Variants in SSPN observed in about 807,000 individuals in gnomAD.
SSPN encodes sarcospan, also known as K-ras oncogene-associated protein.
SSPN carries 15 observed loss-of-function variants against 19.1 expected under a neutral mutation model. The ratio of observed to expected loss-of-function variants is 0.78; its 90% CI spans 0.52 to 1.21. The LOEUF (loss-of-function observed/expected upper bound fraction) is 1.21, where lower values mean the gene tolerates loss of function less well. SSPN is among the 50% of genes most tolerant of loss of function. The probability of loss-of-function intolerance (pLI) is 0.00; values close to 1 mark genes in which losing one functional copy is unlikely to be tolerated. For missense variants in SSPN, 291 were observed against 314.0 expected (o/e 0.93, Z 0.55); for synonymous variants, 147 against 140.3 (o/e 1.05, Z -0.34).
intron 1 of SSPN, among the ~76,000 whole-genome samples, chr12:26,209,795 C>CGTGT (rs56680376): frequency 4.5e-4 from 66 of 145,096 alleles, no homozygotes; most frequent in Non-Finnish European, 5.3e-4. Context: ...ATTCTTAGAG[C>CGTGT]GTGTGTGTGT....
intron 1 of SSPN, among the ~76,000 whole-genome samples, chr12:26,141,751 G>A (rs1944461607): frequency 6.6e-6 from 1 of 152,148 alleles, no homozygotes; most frequent in Admixed American, 6.5e-5. Flanking sequence ...AGGAAGTCAG[G>A]TACCTAGTAT....
intron 1 of SSPN, among the ~76,000 whole-genome samples, chr12:26,161,992 G>T (rs1472883688): frequency 6.6e-6 from 1 of 152,156 alleles, no homozygotes; most frequent in Non-Finnish European, 1.5e-5. Context: ...CCCGGGGGTT[G>T]GGGACCAGTG....
chr12:26,192,980 A>G (rs1210144208), upstream of SSPN, among the ~76,000 whole-genome samples: 3 of 152,240 alleles, frequency 2.0e-5, no homozygotes, highest in Non-Finnish European at 4.4e-5. Context: ...TTTTAATTGC[A>G]TGACAATTTG....
chr12:26,123,537 A>G (rs1028793353), intron 1 of SSPN: 3 of 897,042 alleles, frequency 3.3e-6, no homozygotes, highest in Admixed American at 1.7e-5. Context: ...GCCCACGGAA[A>G]GAGATGGGGT....
upstream of SSPN, among the ~76,000 whole-genome samples, chr12:26,192,310 A>C (rs370303550): frequency 2.8e-4 from 43 of 152,294 alleles, 1 homozygote; most frequent in African/African-American, 8.4e-4. Context: ...TTTTCCCGGT[A>C]ATATAAATAT....
intron 1 of SSPN, among the ~76,000 whole-genome samples, chr12:26,220,077 C>T (rs977707963): frequency 1.3e-5 from 2 of 152,134 alleles, no homozygotes; most frequent in African/African-American, 4.8e-5. Flanking sequence ...GTCCTGCCAA[C>T]TCAGGAGACA....
chr12:26,215,741 T>A (rs1945040993), intron 1 of SSPN, among the ~76,000 whole-genome samples: 1 of 152,210 alleles, frequency 6.6e-6, no homozygotes, highest in African/African-American at 2.4e-5. Context: ...CACATCACAC[T>A]GAATGATTTA....
chr12:26,124,388 G>T, intron 1 of SSPN: 1 of 1,032,630 alleles, frequency 9.7e-7, no homozygotes, highest in Non-Finnish European at 1.5e-6. Context: ...TACCCAGCAA[G>T]CCACTTAAAA....
In SSPN at chr12:26,122,638, GGCCGCCGCCGCT is replaced by G. The variant is rs753880774; in HGVS notation, c.-31+498_-31+509del. ...GCCGCCGCCGCCGCGCCGCCCCCCG[GGCCGCCGCCGCT>G]GCCGCCGCCGCGGGAATCCAGCTTC... On this transcript the variant is annotated intron_variant, in intron 1 of 2. Transcript: ENST00000538142. 6,991 of 1,304,236 alleles carry G rather than the reference GGCCGCCGCCGCT, an allele frequency of 5.4e-3. 41 individuals are homozygous for G. The highest frequency in any genetic ancestry group is 6.3e-3 in the Non-Finnish European group (6,431 of 1,026,042). 80.8% of individuals were successfully genotyped at this position (1,304,236 alleles called of 1,614,324 possible).
chr12:26,135,845 C>CATTGGATAA (rs1944422190), intron 1 of SSPN, among the ~76,000 whole-genome samples: 1 of 152,168 alleles, frequency 6.6e-6, no homozygotes, highest in South Asian at 2.1e-4. Flanking sequence ...AGATACAATT[C>CATTGGATAA]TGAGTCAATT....
At chr12:26,143,025 G>A (rs538882131) in intron 1 of SSPN, among the ~76,000 whole-genome samples, 3 of 152,150 alleles carry the variant, frequency 2.0e-5, no homozygotes, top group Non-Finnish European at 4.4e-5. Flanking sequence ...TCTACTCCTA[G>A]ATAGTAAACT....
At chr12:26,137,544 G>A (rs1333023952) in intron 1 of SSPN, among the ~76,000 whole-genome samples, 1 of 147,132 alleles carries the variant, frequency 6.8e-6, no homozygotes. Context: ...GAGGTGACTA[G>A]TATTTCTGAC....
intron 1 of SSPN, chr12:26,125,409 T>C (rs1440743023): frequency 6.0e-6 from 1 of 166,452 alleles, no homozygotes; most frequent in East Asian, 1.6e-4. Flanking sequence ...TTCCACCGAT[T>C]GTGCTGTTGG....
chr12:26,137,849 T>G (rs1451716341), intron 1 of SSPN, among the ~76,000 whole-genome samples: 1 of 151,052 alleles, frequency 6.6e-6, no homozygotes, highest in African/African-American at 2.4e-5. Context: ...TGTATTTTAG[T>G]AGAGACGGGT....
At chr12:26,202,498 A>C (rs1944894993) in intron 1 of SSPN, among the ~76,000 whole-genome samples, 1 of 152,240 alleles carries the variant, frequency 6.6e-6, no homozygotes, top group Non-Finnish European at 1.5e-5. Context: ...TCCTAACTAG[A>C]ATAGGACATA....
chr12:26,179,826 T>G (rs967360177), intron 1 of SSPN, among the ~76,000 whole-genome samples: 2 of 151,760 alleles, frequency 1.3e-5, no homozygotes, highest in East Asian at 3.9e-4. Context: ...AACCCTCACA[T>G]ATGTATACGG....
intron 1 of SSPN, among the ~76,000 whole-genome samples, chr12:26,202,427 T>G (rs1256199455): frequency 1.3e-5 from 2 of 152,248 alleles, no homozygotes; most frequent in African/African-American, 4.8e-5. Flanking sequence ...ATTACTTAGA[T>G]TTTTTATTTC....
chr12:26,217,184 A>G (rs1238019403), intron 1 of SSPN, among the ~76,000 whole-genome samples: 7 of 111,818 alleles, frequency 6.3e-5, no homozygotes, highest in African/African-American at 2.4e-4. Context: ...CATTTTCACG[A>G]TATTGATTCT....
chr12:26,137,194 G>A (rs1030534640), intron 1 of SSPN, among the ~76,000 whole-genome samples: 1 of 152,192 alleles, frequency 6.6e-6, no homozygotes. Context: ...CACAGGTTAA[G>A]TAATTTGTCC....
Sources: gnomAD v4.1 joint callset for allele counts (sites outside exome capture counted in the v4.1 genomes callset) on GRCh38, gnomAD v4.1.1 for gene constraint, MANE v1.5 for transcripts, NCBI Gene and HGNC (gene_info 2026-07-23, HGNC 2026-07-21) for gene names.